ZYG11A: variants seen among roughly 807,000 people sequenced by gnomAD.
The protein encoded by ZYG11A is zyg-11 family member A, cell cycle regulator, also known as protein zyg-11 homolog A.
ZYG11A carries 62 observed loss-of-function variants against 77.2 expected under a neutral mutation model. The ratio of observed to expected loss-of-function variants is 0.80; its 90% CI spans 0.65 to 0.99. ZYG11A has a LOEUF of 0.99. Among genes scored for constraint, ZYG11A ranks in the 50% least tolerant of loss-of-function variants. The probability of loss-of-function intolerance (pLI) is 0.00; values close to 1 mark genes in which losing one functional copy is unlikely to be tolerated. For missense variants in ZYG11A, 828 were observed against 896.8 expected, an observed-to-expected ratio of 0.92 and a Z score of 0.98; for synonymous variants, 315 against 324.6, an observed-to-expected ratio of 0.97 and a Z score of 0.32.
Position 52,869,563 on chromosome 1 carries a change from A to G in ZYG11A, c.1542+1786A>G, listed in dbSNP as rs565806150. Among the ~76,000 whole-genome samples, 14 of 151,952 alleles carry G rather than the reference A, an allele frequency of 9.2e-5. No homozygotes were observed. The East Asian group carries it at 2.5e-3, about 27-fold the overall frequency. ...TTTCAGAGAGCACAGGGTTGGGGGT[A>G]AGGTCATAGATCAACAGGATCCCAA... On this transcript the variant is annotated intron_variant, in intron 8 of 13. Transcript: ENST00000371528.
At chr1:52,872,693 C>G (rs1238810246) in intron 8 of ZYG11A, among the ~76,000 whole-genome samples, 1 of 150,552 alleles carries the variant, frequency 6.6e-6, no homozygotes, top group Admixed American at 6.6e-5. Context: ...CTAGCCTGGC[C>G]AACATGGTGA....
At chr1:52,860,606 A>G in intron 3 of ZYG11A, 125 bp from the exon 4 acceptor site, 1 of 1,092,012 alleles carries the variant, frequency 9.2e-7, no homozygotes. Flanking sequence ...CAACACCTGG[A>G]ACATTTAATT....
Position 52,846,197 on chromosome 1 carries a change from C to T in ZYG11A, c.90+3224C>T, listed in dbSNP as rs139731175. Among the ~76,000 whole-genome samples the T allele has an allele frequency of 4.3e-3, 655 of 151,178 alleles. 6 individuals carry two copies. The highest frequency in any genetic ancestry group is 0.014 in the African/African-American group (575 of 41,334). ...GTGGACCCCAGGACCTCCAGAATCCCATCTCTTCCATTAGCCTGCCTGTTA... is the reference window on the plus strand; with the variant it reads ...GTGGACCCCAGGACCTCCAGAATCCTATCTCTTCCATTAGCCTGCCTGTTA... On this transcript the variant is annotated intron_variant, in intron 1 of 13. Transcript: ENST00000371528.
intron 1 of ZYG11A, among the ~76,000 whole-genome samples, chr1:52,848,281 T>C (rs484012): frequency 0.67 from 101,566 of 152,042 alleles, 35,486 homozygotes; most frequent in African/African-American, 0.85. Context: ...GGATTACAGG[T>C]GTGAGCCACT....
chr1:52,860,644 C>T, intron 3 of ZYG11A, 87 bp from the exon 4 acceptor site: 9 of 1,402,582 alleles, frequency 6.4e-6, no homozygotes, highest in Non-Finnish European at 5.8e-6. Context: ...GTCTTAAACA[C>T]TGGATGCCCC....
chr1:52,892,813 A>C lies in ZYG11A; in HGVS notation c.2136A>C (p.Glu712Asp), dbSNP rs1186673118. The change falls in exon 14 of 14, where the codon GAA (glutamate) becomes GAC (aspartate). Residue 712 changes from glutamate to aspartate, a missense_variant. Coordinates refer to ENST00000371528, the MANE Select transcript of ZYG11A (RefSeq NM_001004339.3). ...AATACTGCAAAATGTTAGTTGAAGAAGAAGGATTGCAGCTTTTGTGTGATA... is the reference window on the plus strand; with the variant it reads ...AATACTGCAAAATGTTAGTTGAAGACGAAGGATTGCAGCTTTTGTGTGATA... ...PSKYCKMLVE[E>D]EGLQLLCDIQ... is the part of the protein sequence containing the mutation. 1 of 1,551,686 alleles carries C rather than the reference A, an allele frequency of 6.4e-7. No individual in the cohort carries two copies. The highest frequency in any genetic ancestry group is 8.7e-7 in the Non-Finnish European group (1 of 1,146,996).
chr1:52,885,586 C>G (rs980069373), intron 11 of ZYG11A, among the ~76,000 whole-genome samples: 1 of 152,150 alleles, frequency 6.6e-6, no homozygotes, highest in African/African-American at 2.4e-5. Flanking sequence ...GTTTTACTTT[C>G]TGTTAATGGG....
chr1:52,857,591 C>G lies in ZYG11A; in HGVS notation c.850C>G (p.Leu284Val). 1 of 1,551,984 alleles carries G rather than the reference C, an allele frequency of 6.4e-7. No homozygotes were observed. Among genetic ancestry groups the G allele is most frequent in the African/African-American group, 1.4e-5 (1 of 73,166 alleles). Reference sequence around the variant, plus strand: ...TCATTTGCTACAGCAGAAGGATATCCTGCCCAATGTTGTGTCATTGGATAT... The same window carrying G: ...TCATTTGCTACAGCAGAAGGATATCGTGCCCAATGTTGTGTCATTGGATAT... ...AFHLLQQKDI[L>V]PNVVSLDISG... The change falls in exon 3 of 14, where the codon CTG (leucine) becomes GTG (valine). Residue 284 changes from leucine to valine, a missense_variant. Transcript: ENST00000371528.
chr1:52,874,151 A>G (rs1646220354), intron 8 of ZYG11A, among the ~76,000 whole-genome samples: 1 of 152,170 alleles, frequency 6.6e-6, no homozygotes. Flanking sequence ...GTCGGCAGCC[A>G]TCAACATTGA....
intron 11 of ZYG11A, among the ~76,000 whole-genome samples, chr1:52,884,130 T>C (rs1646406602): frequency 6.6e-6 from 1 of 151,818 alleles, no homozygotes; most frequent in Admixed American, 6.6e-5. Context: ...TCCACCCACC[T>C]CGGCCTCCCA....
intron 11 of ZYG11A, among the ~76,000 whole-genome samples, chr1:52,884,807 T>C (rs555926555): frequency 6.6e-6 from 1 of 152,330 alleles, no homozygotes; most frequent in East Asian, 1.9e-4. Context: ...CTGAATTGTT[T>C]ATGGGGTTGC....
chr1:52,842,876 G>T lies in ZYG11A; in HGVS notation c.-8G>T. On this transcript the variant is annotated 5_prime_UTR_variant, in exon 1 of 14. Transcript: ENST00000371528. Reference sequence around the variant, plus strand: ...CTCTCTTTTTGACGCCCCGCCGCCGGGGTTGCCATGGTTCATTTCTTGCAC... The same window carrying T: ...CTCTCTTTTTGACGCCCCGCCGCCGTGGTTGCCATGGTTCATTTCTTGCAC... 6.5e-7 allele frequency: 1 copy of T among 1,530,440 alleles called. No individual in the cohort carries two copies. The highest frequency in any genetic ancestry group is 1.2e-5 in the South Asian group (1 of 81,576). 94.8% of individuals were successfully genotyped at this position (1,530,440 alleles called of 1,614,324 possible).
chr1:52,880,558 A>G (rs1348474490), intron 10 of ZYG11A, among the ~76,000 whole-genome samples: 2 of 152,172 alleles, frequency 1.3e-5, no homozygotes, highest in Non-Finnish European at 2.9e-5. Flanking sequence ...TCCCATGATT[A>G]TGTTACTATA....
rs754850799 is a variant in ZYG11A, at chr1:52,853,943, A to T, written c.91-522A>T. On this transcript the variant is annotated intron_variant, in intron 1 of 13. Coordinates refer to ENST00000371528, the MANE Select transcript of ZYG11A (RefSeq NM_001004339.3). ...AAGAACTTAATGTTTTTCAAGATACAGTATGTTCTCTCTGACTACGGGTTC... is the reference window on the plus strand; with the variant it reads ...AAGAACTTAATGTTTTTCAAGATACTGTATGTTCTCTCTGACTACGGGTTC... 1.5e-4 allele frequency among the ~76,000 whole-genome samples: 23 copies of T among 152,164 alleles called. No individual in the cohort carries two copies. The South Asian group carries it at 3.1e-3, about 21-fold the overall frequency.
At chr1:52,856,632 T>C (rs1197405134) in intron 2 of ZYG11A, among the ~76,000 whole-genome samples, 2 of 152,142 alleles carry the variant, frequency 1.3e-5, no homozygotes, top group East Asian at 1.9e-4. Context: ...CCTGTACTTA[T>C]CTACCTATTT....
At chr1:52,875,721 T>G (rs1271073946) in intron 8 of ZYG11A, among the ~76,000 whole-genome samples, 1 of 151,420 alleles carries the variant, frequency 6.6e-6, no homozygotes, top group East Asian at 1.9e-4. Flanking sequence ...AATCTCTGTA[T>G]GTGCAGAAAT....
chr1:52,845,001 C>T (rs546725366), intron 1 of ZYG11A, among the ~76,000 whole-genome samples: 12 of 151,746 alleles, frequency 7.9e-5, no homozygotes, highest in Non-Finnish European at 1.5e-4. Context: ...GGTCTTTGAA[C>T]TCCGGCTCAA....
intron 8 of ZYG11A, among the ~76,000 whole-genome samples, chr1:52,871,737 G>A (rs1245671712): frequency 3.3e-5 from 5 of 151,974 alleles, no homozygotes; most frequent in East Asian, 3.8e-4. Flanking sequence ...ATCTGTCCTC[G>A]GATTTCTTTT....
chr1:52,870,846 C>T (rs924545652), intron 8 of ZYG11A, among the ~76,000 whole-genome samples: 5 of 142,058 alleles, frequency 3.5e-5, no homozygotes, highest in African/African-American at 1.3e-4. Context: ...CAGAGGGAGA[C>T]AGTAGAAAGA....
Sources: allele counts gnomAD v4.1 joint callset (sites outside exome capture counted in the v4.1 genomes callset), GRCh38; gene constraint gnomAD v4.1.1; transcripts MANE v1.5; gene names NCBI Gene and HGNC (gene_info 2026-07-23, HGNC 2026-07-21).